AFG2A: variants seen among roughly 807,000 people sequenced by gnomAD.
AFG2A encodes the protein ATPase family gene 2 protein homolog A.
chr4:123,098,050 A>C, the AFG2A span, among the ~76,000 whole-genome samples: 1 of 152,058 alleles, frequency 6.6e-6, no homozygotes, highest in Non-Finnish European at 1.5e-5. Context: ...CTCCTTTTGC[A>C]CTACTGTAGT....
chr4:123,233,024 A>C, the AFG2A span, among the ~76,000 whole-genome samples: 2 of 152,052 alleles, frequency 1.3e-5, no homozygotes, highest in African/African-American at 4.8e-5. Context: ...ATATTCAAAA[A>C]TAAAATCTAT....
chr4:123,096,637 G>A, the AFG2A span, among the ~76,000 whole-genome samples: 3 of 151,942 alleles, frequency 2.0e-5, no homozygotes, highest in Admixed American at 6.6e-5. Context: ...TATATAACAA[G>A]CTCCTAATAA....
At chr4:123,075,722 C>T in the AFG2A span, among the ~76,000 whole-genome samples, 1 of 150,834 alleles carries the variant, frequency 6.6e-6, no homozygotes, top group Non-Finnish European at 1.5e-5. Context: ...CTTAGGGAGG[C>T]TGAGGCAGGT....
the AFG2A span, among the ~76,000 whole-genome samples, chr4:123,114,933 ATGG>A: frequency 6.6e-6 from 1 of 152,164 alleles, no homozygotes; most frequent in Non-Finnish European, 1.5e-5. Context: ...CTTTCAAGAC[ATGG>A]TGGGGCGCGA....
At chr4:123,091,824 A>G in the AFG2A span, among the ~76,000 whole-genome samples, 2 of 152,234 alleles carry the variant, frequency 1.3e-5, no homozygotes, top group African/African-American at 4.8e-5. Flanking sequence ...TTGAGTAAAC[A>G]TTTGCTCTCA....
chr4:122,945,330 A>G, the AFG2A span, among the ~76,000 whole-genome samples: 802 of 152,246 alleles, frequency 5.3e-3, 7 homozygotes, highest in African/African-American at 0.018. Context: ...TTGTTTACTG[A>G]AGCAAGCCTG....
chr4:123,172,834 A>G, the AFG2A span, among the ~76,000 whole-genome samples: 248 of 152,260 alleles, frequency 1.6e-3, 1 homozygote, highest in Middle Eastern at 0.014. Flanking sequence ...TAGACAGCTC[A>G]TTTCTTAGAG....
chr4:123,135,904 A>G, the AFG2A span, among the ~76,000 whole-genome samples: 2 of 152,224 alleles, frequency 1.3e-5, no homozygotes, highest in African/African-American at 4.8e-5. Context: ...GTTGCAGGGT[A>G]CAAAATCAAC....
At chr4:123,252,452 G>C in the AFG2A span, among the ~76,000 whole-genome samples, 1 of 151,374 alleles carries the variant, frequency 6.6e-6, no homozygotes, top group Non-Finnish European at 1.5e-5. Context: ...TGTTAAATAA[G>C]TATTCTTTCT....
chr4:122,937,778 C>A, the AFG2A span, among the ~76,000 whole-genome samples: 1 of 152,134 alleles, frequency 6.6e-6, no homozygotes, highest in Non-Finnish European at 1.5e-5. Flanking sequence ...TTCAAACCTG[C>A]TCCAAGGGAT....
chr4:123,041,926 T>C, the AFG2A span, among the ~76,000 whole-genome samples: 11 of 152,296 alleles, frequency 7.2e-5, no homozygotes, highest in Non-Finnish European at 1.6e-4. Flanking sequence ...GATTCCTGTG[T>C]TTATGCTATT....
chr4:123,171,730 T>G, the AFG2A span, among the ~76,000 whole-genome samples: 1 of 152,166 alleles, frequency 6.6e-6, no homozygotes. Context: ...ATATTTAAAT[T>G]GAATTTAAAA....
the AFG2A span, among the ~76,000 whole-genome samples, chr4:123,297,271 G>A: frequency 6.6e-6 from 1 of 152,166 alleles, no homozygotes; most frequent in Non-Finnish European, 1.5e-5. Context: ...TGGCCTAATT[G>A]TTCCTACAAA....
At chr4:123,030,684 A>T in the AFG2A span, among the ~76,000 whole-genome samples, 1 of 152,212 alleles carries the variant, frequency 6.6e-6, no homozygotes, top group Non-Finnish European at 1.5e-5. Context: ...TTGAATCTGT[A>T]TGGAGGATAT....
chr4:123,007,666 C>T, the AFG2A span, among the ~76,000 whole-genome samples: 362 of 126,218 alleles, frequency 2.9e-3, 19 homozygotes, highest in South Asian at 8.3e-3. Flanking sequence ...CACACACACA[C>T]ATATATGGAC....
chr4:122,933,584 T>C, the AFG2A span: 5 of 978,492 alleles, frequency 5.1e-6, no homozygotes, highest in Non-Finnish European at 7.8e-6. Context: ...TATATATGCA[T>C]AGTAGTTTTC....
At chr4:123,174,598 G>A in the AFG2A span, among the ~76,000 whole-genome samples, 1 of 151,964 alleles carries the variant, frequency 6.6e-6, no homozygotes, top group Admixed American at 6.6e-5. Context: ...TTACACTAAC[G>A]AAACAGAAGA....
chr4:122,928,858 T>C, the AFG2A span, among the ~76,000 whole-genome samples: 5 of 152,262 alleles, frequency 3.3e-5, no homozygotes, highest in South Asian at 1.0e-3. Context: ...CATGTAGTAT[T>C]TAAATTTTTT....
chr4:123,253,575 A>G, the AFG2A span, among the ~76,000 whole-genome samples: 86,898 of 151,870 alleles, frequency 0.57, 26,877 homozygotes, highest in Non-Finnish European at 0.67. Context: ...ACTTGAGTGC[A>G]GGAGGTGGAG....
Sources: allele counts gnomAD v4.1 joint callset (sites outside exome capture counted in the v4.1 genomes callset), GRCh38; gene constraint gnomAD v4.1.1; transcripts MANE v1.5; gene names NCBI Gene and HGNC (gene_info 2026-07-23, HGNC 2026-07-21).